SMOC2: variants seen among roughly 807,000 people sequenced by gnomAD.
The protein encoded by SMOC2 is SPARC-related modular calcium-binding protein 2.
In SMOC2, 39 loss-of-function variants were observed where a neutral mutation model predicts 61.4. That is an observed-to-expected ratio of 0.64 (90% confidence interval 0.49 to 0.83). The LOEUF is 0.83. Ranked by LOEUF, SMOC2 falls within the 40% of genes least tolerant of loss-of-function variation. The pLI, the probability that SMOC2 is intolerant of heterozygous loss-of-function variation, is 0.00. For synonymous variants in SMOC2, 247 were observed against 239.9 expected (o/e 1.03, Z -0.27); for missense variants, 556 against 592.9 (o/e 0.94, Z 0.65).
chr6:168,636,868 C>T lies in SMOC2; in HGVS notation c.908-13813C>T, dbSNP rs568954024. On this transcript the variant is annotated intron_variant, in intron 9 of 12. Transcript: ENST00000356284. ...GCCTCCTGCCTCCCTCCTCCCGCCTCCCTCCTCCCGCCTCCCTCCTCCCAC... is the reference window on the plus strand; with the variant it reads ...GCCTCCTGCCTCCCTCCTCCCGCCTTCCTCCTCCCGCCTCCCTCCTCCCAC... 3.6e-3 allele frequency among the ~76,000 whole-genome samples: 468 copies of T among 130,456 alleles called. 3 individuals are homozygous for T. Among genetic ancestry groups the T allele is most frequent in the Non-Finnish European group, 5.9e-3 (365 of 61,636 alleles). 85.6% of individuals were successfully genotyped at this position (130,456 alleles called of 152,430 possible). A position where few individuals can be genotyped will look rare whatever the true frequency, so the allele number is the denominator to read the frequency against.
intron 1 of SMOC2, among the ~76,000 whole-genome samples, chr6:168,487,287 A>G (rs1782358655): frequency 6.6e-6 from 1 of 152,196 alleles, no homozygotes; most frequent in Admixed American, 6.5e-5. Flanking sequence ...CACAGTGGAC[A>G]GGAACGACTC....
intron 7 of SMOC2, among the ~76,000 whole-genome samples, chr6:168,582,116 G>T (rs1261039608): frequency 6.6e-6 from 1 of 152,194 alleles, no homozygotes; most frequent in Non-Finnish European, 1.5e-5. Context: ...CAGGTTCCAG[G>T]CACAGAGCGG....
rs753150 is a variant in SMOC2, at chr6:168,579,214, T to G, written c.638-19604T>G. ...TTGGGTTCCCAAGCATCTGCCATTT[T>G]TATCAAAATGCTATTTTGATGTTTC... On this transcript the variant is annotated intron_variant, in intron 7 of 12. Coordinates refer to ENST00000356284, the MANE Select transcript of SMOC2 (RefSeq NM_001166412.2). 4.7e-3 allele frequency among the ~76,000 whole-genome samples: 719 copies of G among 152,314 alleles called. 7 individuals carry two copies. Among genetic ancestry groups the G allele is most frequent in the African/African-American group, 0.016 (678 of 41,574 alleles).
At chr6:168,473,817 G>A (rs915079810) in intron 1 of SMOC2, among the ~76,000 whole-genome samples, 1 of 152,130 alleles carries the variant, frequency 6.6e-6, no homozygotes, top group African/African-American at 2.4e-5. Flanking sequence ...AGTGTCTTGT[G>A]TGTCTCAGTG....
intron 7 of SMOC2, among the ~76,000 whole-genome samples, chr6:168,562,378 A>G (rs7760361): frequency 0.091 from 2,477 of 27,178 alleles, 40 homozygotes; most frequent in African/African-American, 0.22. Flanking sequence ...CCTGAGACAC[A>G]AGGCTCTCAC....
chr6:168,538,858 G>A lies in SMOC2; in HGVS notation c.464-4767G>A, dbSNP rs180895586. Reference sequence around the variant, plus strand: ...GAGTGGGGTGACCCCTGCAGAAGCAGGTGTTTTGGTGCAGATAAAAAGGCC... The same window carrying A: ...GAGTGGGGTGACCCCTGCAGAAGCAAGTGTTTTGGTGCAGATAAAAAGGCC... On this transcript the variant is annotated intron_variant, in intron 4 of 12. Coordinates refer to ENST00000356284, the MANE Select transcript of SMOC2 (RefSeq NM_001166412.2). 1.5e-3 allele frequency among the ~76,000 whole-genome samples: 224 copies of A among 152,184 alleles called. 2 individuals carry two copies. Among genetic ancestry groups the A allele is most frequent in the African/African-American group, 5.2e-3 (215 of 41,490 alleles).
At chr6:168,467,209 T>C (rs1781860540) in intron 1 of SMOC2, among the ~76,000 whole-genome samples, 1 of 151,522 alleles carries the variant, frequency 6.6e-6, no homozygotes, top group Non-Finnish European at 1.5e-5. Flanking sequence ...GGTCCTGCTC[T>C]GTTGCTCAGG....
In SMOC2 at chr6:168,622,504, A is replaced by G. The variant is rs537948658; in HGVS notation, c.907+14265A>G. The stretch of plus-strand genomic sequence containing the variant: ...TCGCCATGGCATGTTGTGTGTTGAC[A>G]TTACTCTTTATTGTTTAGAGCCCTG... On this transcript the variant is annotated intron_variant, in intron 9 of 12. Coordinates refer to ENST00000356284, the MANE Select transcript of SMOC2 (RefSeq NM_001166412.2). Among the ~76,000 whole-genome samples, 338 of 151,272 alleles carry G rather than the reference A, an allele frequency of 2.2e-3. 4 individuals carry two copies. Among genetic ancestry groups the G allele is most frequent in the South Asian group, 0.016 (75 of 4,758 alleles).
At chr6:168,659,057 GGTGT>G (rs1301264696) in intron 11 of SMOC2, among the ~76,000 whole-genome samples, 5 of 53,766 alleles carry the variant, frequency 9.3e-5, no homozygotes, top group Non-Finnish European at 2.0e-4. Flanking sequence ...TGGCGTGTGG[GGTGT>G]GTGTGTGAGT....
intron 9 of SMOC2, among the ~76,000 whole-genome samples, chr6:168,641,233 C>T (rs1786883678): frequency 6.6e-6 from 1 of 152,058 alleles, no homozygotes; most frequent in Non-Finnish European, 1.5e-5. Context: ...CTGAAATGCT[C>T]GCTCCTCCCC....
Position 168,553,935 on chromosome 6 carries a change from T to C in SMOC2, c.637+4732T>C, listed in dbSNP as rs184828733. 7.9e-3 allele frequency among the ~76,000 whole-genome samples: 1,121 copies of C among 141,646 alleles called. 20 individuals are homozygous for C. The highest frequency in any genetic ancestry group is 0.029 in the African/African-American group (1,056 of 36,208). The allele number at this position is 141,646 out of a possible 152,430, so 92.9% of individuals were successfully genotyped here. ...GCTTTTGAACTGCGTGTGCTGTGCA[T>C]GGTGCCCCTTCCCCACCAGGTATCA... On this transcript the variant is annotated intron_variant, in intron 7 of 12. Coordinates refer to ENST00000356284, the MANE Select transcript of SMOC2 (RefSeq NM_001166412.2). This position sits in a 1 kb window ranked among gnomAD's most constrained non-coding sequence, Gnocchi z 4.2.
At chr6:168,617,184 G>T (rs555941898) in intron 9 of SMOC2, among the ~76,000 whole-genome samples, 1 of 152,136 alleles carries the variant, frequency 6.6e-6, no homozygotes, top group South Asian at 2.1e-4. Flanking sequence ...GGGAATGTGG[G>T]AATTCATCAT....
intron 1 of SMOC2, among the ~76,000 whole-genome samples, chr6:168,442,643 G>A (rs1219175326): frequency 6.6e-6 from 1 of 152,252 alleles, no homozygotes; most frequent in Non-Finnish European, 1.5e-5. Context: ...AAATAAAGAT[G>A]GTTGAAATAA....
chr6:168,658,313 G>A (rs749024393), intron 11 of SMOC2, among the ~76,000 whole-genome samples: 5 of 152,316 alleles, frequency 3.3e-5, no homozygotes, highest in African/African-American at 4.8e-5. Context: ...CCTCTGTTAC[G>A]GAAACCAGTC....
intron 5 of SMOC2, among the ~76,000 whole-genome samples, 176 bp downstream of exon 5, chr6:168,543,848 G>A (rs1783931373): frequency 6.6e-6 from 1 of 152,032 alleles, no homozygotes; most frequent in African/African-American, 2.4e-5. Context: ...AGCTCTGTTG[G>A]GCCTGTGCTC....
intron 9 of SMOC2, among the ~76,000 whole-genome samples, chr6:168,614,173 G>T (rs1352493232): frequency 2.7e-5 from 2 of 74,038 alleles, no homozygotes; most frequent in African/African-American, 1.2e-4. Context: ...AGCCAGCACA[G>T]GGGGCCTCTT....
intron 7 of SMOC2, among the ~76,000 whole-genome samples, chr6:168,586,832 C>T (rs1181762126): frequency 6.6e-6 from 1 of 152,086 alleles, no homozygotes; most frequent in African/African-American, 2.4e-5. Flanking sequence ...AGGACTTTGT[C>T]ATTTTCACTT....
At chr6:168,609,799 G>T (rs1785808542) in intron 9 of SMOC2, among the ~76,000 whole-genome samples, 1 of 152,304 alleles carries the variant, frequency 6.6e-6, no homozygotes, top group African/African-American at 2.4e-5. Flanking sequence ...TTCTTGAAGA[G>T]TCCAAGATTC....
At chr6:168,477,526 G>T (rs1181776278) in intron 1 of SMOC2, among the ~76,000 whole-genome samples, 1 of 152,166 alleles carries the variant, frequency 6.6e-6, no homozygotes, top group Non-Finnish European at 1.5e-5. Context: ...AAGTACAGAG[G>T]AAAGTTCTGG....
Sources: allele counts gnomAD v4.1 joint callset (sites outside exome capture counted in the v4.1 genomes callset), GRCh38; gene constraint gnomAD v4.1.1; non-coding constraint Gnocchi (gnomAD v3.1); transcripts MANE v1.5; gene names NCBI Gene and HGNC (gene_info 2026-07-23, HGNC 2026-07-21).